Variants in UGT2B4 observed in about 807,000 individuals in gnomAD.
UGT2B4 encodes the protein UDP-glucuronosyltransferase 2B4.
In UGT2B4, 49 loss-of-function variants were observed where a neutral mutation model predicts 49.8. The observed-to-expected ratio is 0.98, with a 90% CI of 0.78 to 1.25. The LOEUF (loss-of-function observed/expected upper bound fraction) is 1.25, where lower values mean the gene tolerates loss of function less well. Ranked by LOEUF, UGT2B4 falls within the 50% of genes most tolerant of loss-of-function variation. The pLI is 0.00. For missense variants in UGT2B4, 729 were observed against 627.7 expected (o/e 1.16, Z -1.73); for synonymous variants, 246 against 217.7 (o/e 1.13, Z -1.14).
intron 1 of UGT2B4, among the ~76,000 whole-genome samples, chr4:69,524,646 A>C (rs925818025): frequency 6.6e-6 from 1 of 152,114 alleles, no homozygotes; most frequent in Non-Finnish European, 1.5e-5. Context: ...TGTTGGAAAA[A>C]TCATGTTAAT....
At chr4:69,504,014 A>G (rs953490050) in intron 1 of UGT2B4, among the ~76,000 whole-genome samples, 20 of 152,236 alleles carry the variant, frequency 1.3e-4, no homozygotes, top group African/African-American at 4.8e-4. Context: ...AATTGGCTGA[A>G]TTCACCTTAT....
chr4:69,502,556 C>T (rs992500789), intron 1 of UGT2B4, among the ~76,000 whole-genome samples: 1 of 152,120 alleles, frequency 6.6e-6, no homozygotes. Flanking sequence ...CCCCAGCATA[C>T]TGCAGCAGCC....
chr4:69,480,662 C>G lies in UGT2B4; in HGVS notation c.1559G>C (p.Arg520Thr). 1 of 1,614,042 alleles carries G rather than the reference C, an allele frequency of 6.2e-7. No individual in the cohort carries two copies. Among genetic ancestry groups the G allele is most frequent in the South Asian group, 1.1e-5 (1 of 91,072 alleles). Residue 520 changes from arginine (R) to threonine (T), a missense_variant, in exon 6 of 6, where the codon AGA (arginine) becomes ACA (threonine). Transcript: ENST00000305107. ...ATCTCTTTTCCCCTTCTTTCCTGTT[C>G]TAACAAACTTCCAGACACAAAACAG... ...KCLFCVWKFVRTGKKGKRD is the reference protein window; with the variant it reads ...KCLFCVWKFVTTGKKGKRD
upstream of UGT2B4, among the ~76,000 whole-genome samples, chr4:69,499,558 C>T (rs1377194282): frequency 6.6e-6 from 1 of 152,172 alleles, no homozygotes; most frequent in Non-Finnish European, 1.5e-5. Context: ...GTATTGGGTG[C>T]ATATATATTT....
At chr4:69,503,842 C>A (rs1728403346) in intron 1 of UGT2B4, among the ~76,000 whole-genome samples, 1 of 152,196 alleles carries the variant, frequency 6.6e-6, no homozygotes, top group Non-Finnish European at 1.5e-5. Flanking sequence ...TAGCACTCTG[C>A]TGCAGCTGCT....
intron 1 of UGT2B4, among the ~76,000 whole-genome samples, chr4:69,510,872 G>A (rs1728586608): frequency 6.6e-6 from 1 of 151,790 alleles, no homozygotes; most frequent in South Asian, 2.1e-4. Context: ...CAAGAGTAGG[G>A]TCCTTGCCTT....
upstream of UGT2B4, among the ~76,000 whole-genome samples, chr4:69,496,357 T>C (rs756513765): frequency 2.0e-5 from 3 of 152,156 alleles, no homozygotes; most frequent in Non-Finnish European, 4.4e-5. Flanking sequence ...TCAGCTAATA[T>C]CAATGATCTT....
intron 1 of UGT2B4, among the ~76,000 whole-genome samples, chr4:69,503,340 T>C (rs1305335499): frequency 6.6e-6 from 1 of 152,106 alleles, no homozygotes; most frequent in Admixed American, 6.6e-5. Context: ...TCCAGCAAGG[T>C]GGCCCCTATA....
At chr4:69,522,890 T>C (rs1424615430) in intron 1 of UGT2B4, among the ~76,000 whole-genome samples, 1 of 152,192 alleles carries the variant, frequency 6.6e-6, no homozygotes, top group Admixed American at 6.5e-5. Context: ...CCAAATACTT[T>C]GTTGTCATCT....
At chr4:69,510,532 T>A (rs1728578827) in intron 1 of UGT2B4, among the ~76,000 whole-genome samples, 1 of 152,110 alleles carries the variant, frequency 6.6e-6, no homozygotes, top group South Asian at 2.1e-4. Flanking sequence ...CATTCATCAA[T>A]GTTTTGTAGT....
intron 5 of UGT2B4, among the ~76,000 whole-genome samples, chr4:69,481,429 T>A (rs766684416): frequency 7.2e-5 from 11 of 152,232 alleles, no homozygotes; most frequent in Non-Finnish European, 1.3e-4. Context: ...TGGAATTTCA[T>A]AATTGACAAA....
At chr4:69,503,679 G>A (rs540841657) in intron 1 of UGT2B4, among the ~76,000 whole-genome samples, 65 of 152,182 alleles carry the variant, frequency 4.3e-4, no homozygotes, top group Non-Finnish European at 8.1e-4. Context: ...AAGAGACTCA[G>A]AATTGTGCTG....
In UGT2B4 at chr4:69,495,278, G is replaced by A; in HGVS notation, c.584C>T (p.Pro195Leu). The A allele has an allele frequency of 1.2e-6, 2 of 1,613,410 alleles. No individual in the cohort carries two copies. The highest frequency in any genetic ancestry group is 8.5e-7 in the Non-Finnish European group (1 of 1,179,768). Residue 195 changes from proline to leucine, a missense_variant, in exon 1 of 6, where the codon CCT becomes CTT. By Grantham distance (98) the Pro-to-Leu change is moderately conservative. Transcript: ENST00000305107. ...GGLLFPPSYV[P>L]VVMSELSDQM... ...GTCACTTAGTTCTGACATAACAACA[G>A]GCACATAGGAAGGAGGGAACAGAAG...
chr4:69,495,829 C>T lies in UGT2B4; in HGVS notation c.33G>A (p.Leu11=). MSMKWTSALL[L]IQLSCYFSSG... The stretch of plus-strand genomic sequence containing the variant: ...AGCTAAAGTAACAGCTCAGCTGTAT[C>T]AGCAGAAGAGCTGAAGTCCATTTCA... The change falls in exon 1 of 6, where the codon CTG becomes CTA. Residue 11 remains leucine (L), a synonymous_variant. Coordinates refer to ENST00000305107, the MANE Select transcript of UGT2B4 (RefSeq NM_021139.3). The T allele has an allele frequency of 6.2e-7, 1 of 1,605,188 alleles. No individual in the cohort carries two copies. Among genetic ancestry groups the T allele is most frequent in the Non-Finnish European group, 8.5e-7 (1 of 1,177,376 alleles).
intron 1 of UGT2B4, among the ~76,000 whole-genome samples, chr4:69,502,815 C>T (rs189848465): frequency 1.2e-4 from 18 of 152,250 alleles, no homozygotes; most frequent in Admixed American, 3.9e-4. Context: ...TATTCACACC[C>T]CCAACAAGCT....
intron 1 of UGT2B4, among the ~76,000 whole-genome samples, chr4:69,518,579 T>C: frequency 6.6e-6 from 1 of 152,172 alleles, no homozygotes; most frequent in East Asian, 1.9e-4. Context: ...CAGGGAAAAG[T>C]TTAAGCAACT....
At chr4:69,492,734 T>G (rs2109811825) in intron 2 of UGT2B4, among the ~76,000 whole-genome samples, 1 of 152,150 alleles carries the variant, frequency 6.6e-6, no homozygotes, top group East Asian at 1.9e-4. Context: ...TTTAAGTGGT[T>G]TATTTGTATT....
chr4:69,512,017 T>C (rs1185356295), intron 1 of UGT2B4, among the ~76,000 whole-genome samples: 2 of 152,086 alleles, frequency 1.3e-5, no homozygotes, highest in East Asian at 3.9e-4. Flanking sequence ...TTTCATTTTT[T>C]ATTTTATTTG....
At chr4:69,525,502 C>A in intron 1 of UGT2B4, among the ~76,000 whole-genome samples, 1 of 152,014 alleles carries the variant, frequency 6.6e-6, no homozygotes. Flanking sequence ...ATTTGTGTTC[C>A]TTCAGAGCTT....
Sources: allele counts gnomAD v4.1 joint callset (sites outside exome capture counted in the v4.1 genomes callset), GRCh38; gene constraint gnomAD v4.1.1; transcripts MANE v1.5; gene names NCBI Gene and HGNC (gene_info 2026-07-23, HGNC 2026-07-21).